The following NXPE4 variants were observed in gnomAD, a reference collection of about 807,000 sequenced individuals.
NXPE4 encodes the protein NXPE family member 4.
A neutral mutation model predicts 33.3 loss-of-function variants in NXPE4; 42 were observed. The observed-to-expected ratio is 1.26, with a 90% CI of 0.98 to 1.63. NXPE4 has a LOEUF of 1.63. NXPE4 is among the 40% of genes most tolerant of loss of function. The probability of loss-of-function intolerance (pLI) is 0.00; values close to 1 mark genes in which losing one functional copy is unlikely to be tolerated. For missense variants in NXPE4, 709 were observed against 647.6 expected, an observed-to-expected ratio of 1.09 and a Z score of -1.03; for synonymous variants, 253 against 234.9, an observed-to-expected ratio of 1.08 and a Z score of -0.71.
chr11:114,583,298 G>A (rs775451774), intron 2 of NXPE4: 16 of 640,392 alleles, frequency 2.5e-5, no homozygotes, highest in South Asian at 6.5e-5. Flanking sequence ...TTACTACTAC[G>A]ATAGGGGTGT....
At chr11:114,655,605 T>G in the NXPE4 span, among the ~76,000 whole-genome samples, 1 of 152,220 alleles carries the variant, frequency 6.6e-6, no homozygotes, top group Non-Finnish European at 1.5e-5. Flanking sequence ...TGCTTGTTTT[T>G]GTCAGGTTTG....
the NXPE4 span, among the ~76,000 whole-genome samples, chr11:114,612,409 C>T: frequency 2.6e-5 from 4 of 151,936 alleles, no homozygotes; most frequent in South Asian, 8.3e-4. Context: ...CCACTGTTAC[C>T]CGGTGGATAA....
chr11:114,636,578 C>G, the NXPE4 span, among the ~76,000 whole-genome samples: 2 of 151,574 alleles, frequency 1.3e-5, no homozygotes, highest in African/African-American at 4.8e-5. Flanking sequence ...TGGATCTTTC[C>G]TGCTTTCTCT....
the NXPE4 span, among the ~76,000 whole-genome samples, chr11:114,614,216 T>C: frequency 6.6e-6 from 1 of 151,936 alleles, no homozygotes; most frequent in Non-Finnish European, 1.5e-5. Context: ...TAATGGATAA[T>C]AAGTGTTGCC....
At chr11:114,670,465 G>C in the NXPE4 span, among the ~76,000 whole-genome samples, 1 of 152,028 alleles carries the variant, frequency 6.6e-6, no homozygotes, top group Admixed American at 6.6e-5. Context: ...TGGCCCTTGT[G>C]GTAGGATCCC....
At chr11:114,643,156 GC>G in the NXPE4 span, among the ~76,000 whole-genome samples, 2 of 151,882 alleles carry the variant, frequency 1.3e-5, no homozygotes, top group African/African-American at 4.8e-5. Context: ...CTGGATATTA[GC>G]CCTTTGTCAG....
At chr11:114,588,999 A>G (rs757140271) in intron 2 of NXPE4, among the ~76,000 whole-genome samples, 1 of 152,244 alleles carries the variant, frequency 6.6e-6, no homozygotes, top group Admixed American at 6.5e-5. Flanking sequence ...CCCAGGAAAA[A>G]GAGAGGAAAC....
At chr11:114,614,153 T>C in the NXPE4 span, among the ~76,000 whole-genome samples, 1 of 150,344 alleles carries the variant, frequency 6.7e-6, no homozygotes. Flanking sequence ...TGCTGCCTCA[T>C]GGGTACCAAC....
At chr11:114,639,292 T>C in the NXPE4 span, among the ~76,000 whole-genome samples, 8,658 of 151,686 alleles carry the variant, frequency 0.057, 319 homozygotes, top group Middle Eastern at 0.12. Context: ...TATAATCTCC[T>C]GGTGCACCGT....
chr11:114,630,936 C>T, the NXPE4 span, among the ~76,000 whole-genome samples: 3 of 151,488 alleles, frequency 2.0e-5, no homozygotes, highest in Non-Finnish European at 1.5e-5. Context: ...CTCACCATCA[C>T]TGGCCATCAG....
the NXPE4 span, among the ~76,000 whole-genome samples, chr11:114,635,525 G>C: frequency 6.6e-6 from 1 of 151,980 alleles, no homozygotes. Flanking sequence ...GTGAGAGAGG[G>C]CATCCCTGTC....
rs755950047 is a variant in NXPE4 at position 114,582,335 on chromosome 11, G to C, written c.783C>G (p.Asn261Lys). ...CAALTHMYSK[N>K]KKVSYLSKQE... ...GTTTGCTAAGATAAGAAACTTTCTT[G>C]TTCTTAGAATACATGTGAGTGAGTG... The change falls in exon 3 of 6, where the codon AAC becomes AAG. Residue 261 changes from asparagine to lysine, a missense_variant. Asn to Lys is a moderately conservative substitution (Grantham distance 94). Transcript: ENST00000375478. 1.9e-6 allele frequency: 3 copies of C among 1,599,614 alleles called. No individual in the cohort carries two copies. Among genetic ancestry groups the C allele is most frequent in the South Asian group, 1.1e-5 (1 of 89,590 alleles).
chr11:114,666,373 G>T, the NXPE4 span, among the ~76,000 whole-genome samples: 1 of 151,954 alleles, frequency 6.6e-6, no homozygotes, highest in South Asian at 2.1e-4. Context: ...ACCCCAATTT[G>T]GGGATGAAAG....
chr11:114,580,226 G>A lies in NXPE4; in HGVS notation c.1005C>T (p.Val335=), dbSNP rs371778048. The change falls in exon 5 of 6, where the codon GTC becomes GTT. Residue 335 remains valine (V), a synonymous_variant. Transcript: ENST00000375478. ...TTCCTCTCAGGCATTCCTTCATTTT[G>A]ACTGTAGCCAAACTACAGGAGACAG... is the stretch of plus-strand genomic sequence containing the variant. ...WNPVSCSLAT[V]KMKECLRGKL... 267 of 1,613,684 alleles carry A rather than the reference G, an allele frequency of 1.7e-4. No homozygotes were observed. The highest frequency in any genetic ancestry group is 2.1e-4 in the Non-Finnish European group (243 of 1,179,794).
At chr11:114,610,972 C>T in the NXPE4 span, among the ~76,000 whole-genome samples, 2 of 151,666 alleles carry the variant, frequency 1.3e-5, no homozygotes, top group East Asian at 1.9e-4. Flanking sequence ...AGTGTTGCCT[C>T]GTGGGTAACC....
the NXPE4 span, among the ~76,000 whole-genome samples, chr11:114,615,579 C>CCAG: frequency 6.6e-6 from 1 of 150,960 alleles, no homozygotes; most frequent in African/African-American, 2.5e-5. Flanking sequence ...CCACCTTTAC[C>CCAG]TGGTGAATAA....
In NXPE4 at chr11:114,571,184, CAGA is replaced by C. The variant is rs749331834; in HGVS notation, c.1386_1388del (p.Leu463del). ...TGATAACCATAGTGTCTGGGCTTCT[CAGA>C]AGAAGATGCTGAATGGCTTTGTGGA... is the stretch of plus-strand genomic sequence containing the variant. On this transcript the variant is annotated inframe_deletion, in exon 6 of 6. Transcript: ENST00000375478. The C allele has an allele frequency of 5.8e-5, 93 of 1,613,998 alleles. 1 individual carries two copies. In the Admixed American group the frequency reaches 1.5e-3, roughly 26 times the overall value.
upstream of NXPE4, among the ~76,000 whole-genome samples, chr11:114,600,536 A>C (rs1485419399): frequency 2.6e-5 from 4 of 152,096 alleles, no homozygotes; most frequent in Non-Finnish European, 4.4e-5. Flanking sequence ...TTTGCATAGA[A>C]AAAAATTGAG....
chr11:114,662,388 A>G, the NXPE4 span, among the ~76,000 whole-genome samples: 20 of 152,144 alleles, frequency 1.3e-4, no homozygotes, highest in African/African-American at 4.8e-4. Flanking sequence ...GGGTTGTTGG[A>G]ACTTGAGTTC....
Sources: allele counts gnomAD v4.1 joint callset (sites outside exome capture counted in the v4.1 genomes callset), GRCh38; gene constraint gnomAD v4.1.1; transcripts MANE v1.5; gene names NCBI Gene and HGNC (gene_info 2026-07-23, HGNC 2026-07-21).